Variants in PPP1R1C observed in about 807,000 individuals in gnomAD.
The protein encoded by PPP1R1C is protein phosphatase 1 regulatory subunit 1C.
A neutral mutation model predicts 17.4 loss-of-function variants in PPP1R1C; 15 were observed. The observed-to-expected ratio is 0.86, with a 90% CI of 0.58 to 1.33. PPP1R1C has a LOEUF of 1.33. Among genes scored for constraint, PPP1R1C ranks in the 40% most tolerant of loss-of-function variants. The probability of loss-of-function intolerance (pLI) is 0.00; values close to 1 mark genes in which losing one functional copy is unlikely to be tolerated. For synonymous variants in PPP1R1C, 35 were observed against 43.1 expected (o/e 0.81, Z 0.73); for missense variants, 143 against 130.0 (o/e 1.10, Z -0.48).
At chr2:182,130,027 A>G (rs1559105306), downstream of PPP1R1C, 1 of 152,154 alleles carries the variant, frequency 6.6e-6, no homozygotes. Context: ...AATGTTTCCT[A>G]TGTCTAAATC....
At chr2:181,968,866 T>A (rs113726291) in intron 1 of PPP1R1C, among the ~76,000 whole-genome samples, 87 of 152,136 alleles carry the variant, frequency 5.7e-4, no homozygotes, top group Non-Finnish European at 8.5e-4. Flanking sequence ...GTATCTGTTG[T>A]ATGTTTTTTG....
chr2:181,960,374 G>A (rs896065771), intron 1 of PPP1R1C, among the ~76,000 whole-genome samples: 7 of 152,238 alleles, frequency 4.6e-5, no homozygotes, highest in African/African-American at 1.7e-4. Flanking sequence ...TGGAGGCACT[G>A]TGAGATCAGT....
At chr2:182,116,759 T>G (rs919828769) in intron 4 of PPP1R1C, among the ~76,000 whole-genome samples, 3 of 152,180 alleles carry the variant, frequency 2.0e-5, no homozygotes, top group Non-Finnish European at 4.4e-5. Flanking sequence ...TGAAAGAAGA[T>G]TCACAATATT....
At position 181,961,241 on chromosome 2, in the gene PPP1R1C, A is replaced by T; in HGVS notation, n.111+6607A>T. On this transcript the variant is annotated intron_variant and non_coding_transcript_variant, in intron 1 of 5. Coordinates refer to the PPP1R1C transcript ENST00000464264. This position sits in a 1 kb window ranked among gnomAD's most constrained non-coding sequence, Gnocchi z 5.8. ...AACTTTGGTGTCATTGGTCTCAGACACCACTTTGCGGCGGGTGGTGGTCTT... is the reference window on the plus strand; with the variant it reads ...AACTTTGGTGTCATTGGTCTCAGACTCCACTTTGCGGCGGGTGGTGGTCTT... 2.3e-6 allele frequency: 2 copies of T among 854,150 alleles called. No individual in the cohort carries two copies. The highest frequency in any genetic ancestry group is 3.9e-6 in the Non-Finnish European group (2 of 507,934). 52.9% of individuals were successfully genotyped at this position (854,150 alleles called of 1,614,324 possible). A position where few individuals can be genotyped will look rare whatever the true frequency, so the allele number is the denominator to read the frequency against.
chr2:182,028,080 T>A lies in PPP1R1C; in HGVS notation c.143-33362T>A, dbSNP rs1396357848. On this transcript the variant is annotated intron_variant, in intron 2 of 4. Coordinates refer to ENST00000682840, the MANE Select transcript of PPP1R1C (RefSeq NM_001080545.3). ...ATATCCCCTTTATCATTTTTTATTG[T>A]GTCTATTTGATTCTTCTCTCTTTTT... Among the ~76,000 whole-genome samples the A allele has an allele frequency of 3.6e-5, 5 of 137,240 alleles. No homozygotes were observed. In the South Asian group the frequency reaches 1.0e-3, roughly 28 times the overall value. The allele number at this position is 137,240 out of a possible 152,430, so 90.0% of individuals were successfully genotyped here. A position where few individuals can be genotyped will look rare whatever the true frequency, so the allele number is the denominator to read the frequency against.
At position 182,126,051 on chromosome 2, in the gene PPP1R1C, G is replaced by A. The variant is rs562263038; in HGVS notation, c.*7-2923G>A. Among the ~76,000 whole-genome samples, 28 of 151,738 alleles carry A rather than the reference G, an allele frequency of 1.8e-4. 1 individual carries two copies. In the South Asian group the frequency reaches 4.4e-3, roughly 24 times the overall value. ...CCCACTTTCTAATGTGGGCATTTAG[G>A]GAAGCACTGGTTTTAAATATTGTCA... On this transcript the variant is annotated intron_variant, in intron 5 of 5. Coordinates refer to the PPP1R1C transcript ENST00000280295.
intron 4 of PPP1R1C, among the ~76,000 whole-genome samples, chr2:182,103,165 G>T (rs1429679860): frequency 1.3e-5 from 2 of 152,014 alleles, no homozygotes; most frequent in Admixed American, 1.3e-4. Context: ...TTCTGATTTT[G>T]TTATTTAAAA....
At chr2:182,052,428 A>C (rs543981506) in intron 2 of PPP1R1C, among the ~76,000 whole-genome samples, 1 of 152,222 alleles carries the variant, frequency 6.6e-6, no homozygotes, top group South Asian at 2.1e-4. Context: ...TTATTTTTAG[A>C]CAATGCCAAA....
intron 4 of PPP1R1C, among the ~76,000 whole-genome samples, chr2:182,075,459 T>C (rs972386007): frequency 2.6e-5 from 4 of 152,194 alleles, no homozygotes; most frequent in African/African-American, 7.2e-5. Flanking sequence ...CAGTTGGTCC[T>C]CTTAGACCAT....
Position 182,093,593 on chromosome 2 carries a change from C to T in PPP1R1C, c.242-23614C>T, listed in dbSNP as rs1231929018. Among the ~76,000 whole-genome samples, 3 of 152,282 alleles carry T rather than the reference C, an allele frequency of 2.0e-5. No homozygotes were observed. The South Asian group carries it at 6.2e-4, about 32-fold the overall frequency. ...TCTGCTTCCCTTATAAAACTGAATG[C>T]CTTTAACAGCACCCTAGTCACCTCT... On this transcript the variant is annotated intron_variant, in intron 4 of 4. Transcript: ENST00000682840.
At chr2:182,091,498 AG>A (rs1688780272) in intron 4 of PPP1R1C, among the ~76,000 whole-genome samples, 2 of 149,444 alleles carry the variant, frequency 1.3e-5, no homozygotes, top group Non-Finnish European at 1.5e-5. Context: ...TAAAAAAAAA[AG>A]GTAAATACAC....
At chr2:182,064,739 A>C (rs1490115423) in intron 4 of PPP1R1C, among the ~76,000 whole-genome samples, 1 of 152,026 alleles carries the variant, frequency 6.6e-6, no homozygotes, top group Non-Finnish European at 1.5e-5. Context: ...AGAACATAAT[A>C]CAATCATCAG....
intron 4 of PPP1R1C, among the ~76,000 whole-genome samples, chr2:182,076,922 T>C (rs1688330363): frequency 6.6e-6 from 1 of 152,210 alleles, no homozygotes; most frequent in African/African-American, 2.4e-5. Flanking sequence ...GTACCAGTCT[T>C]ACTCATCCTA....
intron 3 of PPP1R1C, among the ~76,000 whole-genome samples, chr2:182,063,094 T>A (rs1477164306): frequency 6.6e-6 from 1 of 152,126 alleles, no homozygotes; most frequent in African/African-American, 2.4e-5. Flanking sequence ...TTTGTCATTT[T>A]GAAATGCAAA....
At chr2:181,980,026 C>T (rs1292152162) in intron 2 of PPP1R1C, among the ~76,000 whole-genome samples, 1 of 152,178 alleles carries the variant, frequency 6.6e-6, no homozygotes, top group Non-Finnish European at 1.5e-5. Flanking sequence ...ATCATGGCGT[C>T]ACCAGCTCTA....
intron 5 of PPP1R1C, among the ~76,000 whole-genome samples, chr2:182,124,327 G>GTTTTTTTTTTTTTTTTTTTTTTTTTTTTT (rs1294464668): frequency 1.6e-4 from 13 of 82,996 alleles, no homozygotes; most frequent in Non-Finnish European, 2.4e-4. Context: ...TTTTTTTTTT[G>GTTTTTTTTTTTTTTTTTTTTTTTTTTTTT]TTTTTTTTTT....
In PPP1R1C at chr2:181,991,895, C is replaced by T. The variant is rs114578823; in HGVS notation, c.142+3996C>T. ...ATATTTTTTTTTATCTAGAGAGCTG[C>T]TTATGTGTAAATCCTCTCTGTAGGG... On this transcript the variant is annotated intron_variant, in intron 2 of 4. Transcript: ENST00000682840. 2.7e-3 allele frequency among the ~76,000 whole-genome samples: 412 copies of T among 152,138 alleles called. 3 individuals carry two copies. The highest frequency in any genetic ancestry group is 9.5e-3 in the African/African-American group (396 of 41,500).
At chr2:182,028,636 G>A (rs1686704271) in intron 2 of PPP1R1C, among the ~76,000 whole-genome samples, 1 of 151,964 alleles carries the variant, frequency 6.6e-6, no homozygotes, top group African/African-American at 2.4e-5. Context: ...TTCCAAGTAT[G>A]TGGTCAATTT....
intron 4 of PPP1R1C, among the ~76,000 whole-genome samples, chr2:182,116,242 A>G (rs978989810): frequency 2.0e-5 from 3 of 152,228 alleles, no homozygotes; most frequent in African/African-American, 4.8e-5. Flanking sequence ...TTTGCTAGGC[A>G]CTGTGCCTGG....
Sources: gnomAD v4.1 joint callset for allele counts (sites outside exome capture counted in the v4.1 genomes callset) on GRCh38, gnomAD v4.1.1 for gene constraint, Gnocchi (gnomAD v3.1) non-coding constraint, MANE v1.5 for transcripts, NCBI Gene and HGNC (gene_info 2026-07-23, HGNC 2026-07-21) for gene names.